The following C2CD2L variants were observed in gnomAD, a reference collection of about 807,000 sequenced individuals.
C2CD2L encodes C2CD2 like.
Under a neutral mutation model 69.9 loss-of-function variants are expected in C2CD2L, and 24 were observed. The ratio of observed to expected loss-of-function variants is 0.34; its 90% confidence interval spans 0.25 to 0.48. C2CD2L has a LOEUF of 0.48. C2CD2L is among the 20% of genes least tolerant of loss of function. The pLI, the probability that C2CD2L is intolerant of heterozygous loss-of-function variation, is 0.99. For synonymous variants in C2CD2L, 367 were observed against 391.0 expected (o/e 0.94, Z 0.72); for missense variants, 811 against 941.5 (o/e 0.86, Z 1.81).
upstream of C2CD2L, chr11:119,106,812 A>G (rs1385195589): frequency 6.6e-6 from 1 of 152,242 alleles, no homozygotes; most frequent in Non-Finnish European, 1.5e-5. Flanking sequence ...CTCCAAGAGG[A>G]AGGAGGGTGA....
chr11:119,105,258 C>T (rs1946559841), upstream of C2CD2L, among the ~76,000 whole-genome samples: 1 of 152,074 alleles, frequency 6.6e-6, no homozygotes, highest in African/African-American at 2.4e-5. Flanking sequence ...AGGCAGCTTC[C>T]TGATGCATGG....
upstream of C2CD2L, among the ~76,000 whole-genome samples, chr11:119,103,274 C>T (rs149247119): frequency 6.6e-6 from 1 of 152,296 alleles, no homozygotes; most frequent in Non-Finnish European, 1.5e-5. Context: ...GAGGAAGTCA[C>T]CACCAGTGAG....
At chr11:119,105,219 G>C (rs2134927804), upstream of C2CD2L, among the ~76,000 whole-genome samples, 1 of 152,302 alleles carries the variant, frequency 6.6e-6, no homozygotes, top group Non-Finnish European at 1.5e-5. Flanking sequence ...TGAGGGAAAA[G>C]AGATGACTAA....
intron 1 of C2CD2L, among the ~76,000 whole-genome samples, chr11:119,108,858 G>T (rs567083524): frequency 7.2e-5 from 11 of 152,310 alleles, no homozygotes; most frequent in Non-Finnish European, 1.3e-4. Context: ...TGCTCTCACA[G>T]TCCATCAGCT....
At chr11:119,115,736 G>T in intron 13 of C2CD2L, 1 of 464,038 alleles carries the variant, frequency 2.2e-6, no homozygotes. Context: ...CTCACAAAGC[G>T]GCCAGCTCCG....
Position 119,111,279 on chromosome 11 carries a change from C to T in C2CD2L, c.815C>T (p.Pro272Leu). The T allele has an allele frequency of 6.2e-7, 1 of 1,614,168 alleles. No individual in the cohort carries two copies. Among genetic ancestry groups the T allele is most frequent in the Non-Finnish European group, 8.5e-7 (1 of 1,180,010 alleles). Reference sequence around the variant, plus strand: ...TGCTCTTAGGTACCCAGTGAGAAGCCACCCATGATGCCCCAGGCTCAGCCA... The same window carrying T: ...TGCTCTTAGGTACCCAGTGAGAAGCTACCCATGATGCCCCAGGCTCAGCCA... ...APGGLVPSEK[P>L]PMMPQAQPAI... The change falls in exon 6 of 14, where the codon CCA becomes CTA. Residue 272 changes from proline to leucine, a missense_variant. By Grantham distance (98) the Pro-to-Leu change is moderately conservative. Coordinates refer to ENST00000648610, the MANE Select transcript of C2CD2L (RefSeq NM_001290474.2).
Position 119,114,270 on chromosome 11 carries a change from G to A in C2CD2L, c.1814G>A (p.Arg605His), listed in dbSNP as rs376731505. ...GTCCAGGAAGCAGACGAGACAACCCGTTCGGATATTTCTGAGAGGCCATCT... is the reference window on the plus strand; with the variant it reads ...GTCCAGGAAGCAGACGAGACAACCCATTCGGATATTTCTGAGAGGCCATCT... The part of the protein sequence containing the change: ...TSVQEADETT[R>H]SDISERPSVD... Residue 605 changes from arginine to histidine, a missense_variant, in exon 13 of 14, where the codon CGT (arginine) becomes CAT (histidine). Arg to His is a conservative substitution (Grantham distance 29). Coordinates refer to ENST00000648610, the MANE Select transcript of C2CD2L (RefSeq NM_001290474.2). The surrounding 1 kb of genome is among the most constrained non-coding windows in gnomAD (Gnocchi z 5.1). 5.1e-5 allele frequency: 82 copies of A among 1,614,126 alleles called. No homozygotes were observed. The highest frequency in any genetic ancestry group is 2.8e-4 in the African/African-American group (21 of 75,034).
Position 119,110,550 on chromosome 11 carries a change from G to T in C2CD2L, c.451-11G>T. On this transcript the variant is annotated splice_polypyrimidine_tract_variant and intron_variant, in intron 2 of 13. Coordinates refer to ENST00000648610, the MANE Select transcript of C2CD2L (RefSeq NM_001290474.2). The surrounding 1 kb of genome is among the most constrained non-coding windows in gnomAD (Gnocchi z 5.7). ...CCTTCCCCCACATCTGACCCACCTCGCCGGTCTCAGGTGCTGCGTTGCCAG... is the reference window on the plus strand; with the variant it reads ...CCTTCCCCCACATCTGACCCACCTCTCCGGTCTCAGGTGCTGCGTTGCCAG... The T allele has an allele frequency of 6.2e-7, 1 of 1,604,722 alleles. No individual in the cohort carries two copies.
Position 119,117,512 on chromosome 11 carries a change from T to TTCTCATCTG in C2CD2L, c.*1258_*1266dup, listed in dbSNP as rs1946924390. On this transcript the variant is annotated 3_prime_UTR_variant, in exon 14 of 14. Transcript: ENST00000648610. ...TATGTAACCTCTAAGTGCCTCAGTT[T>TTCTCATCTG]TCTCATCTGTAAAATGGGAACTTCA... 6.6e-6 allele frequency: 1 copy of TTCTCATCTG among 152,240 alleles called. No homozygotes were observed. The highest frequency in any genetic ancestry group is 2.4e-5 in the African/African-American group (1 of 41,456). The allele number at this position is 152,240 out of a possible 1,614,324, so 9.4% of individuals were successfully genotyped here.
chr11:119,113,061 T>C, intron 10 of C2CD2L, 187 bp downstream of exon 10: 1 of 609,016 alleles, frequency 1.6e-6, no homozygotes, highest in Non-Finnish European at 2.9e-6. Flanking sequence ...CTCCTGCCAT[T>C]TCCCCAGCAA....
intron 13 of C2CD2L, chr11:119,115,303 C>T (rs894408918): frequency 2.6e-5 from 4 of 151,766 alleles, no homozygotes; most frequent in Non-Finnish European, 4.4e-5. Context: ...TCTGCACCCT[C>T]TCCCCAATGA....
chr11:119,105,172 G>A (rs1946558206), upstream of C2CD2L, among the ~76,000 whole-genome samples: 2 of 152,216 alleles, frequency 1.3e-5, no homozygotes, highest in Non-Finnish European at 2.9e-5. Flanking sequence ...CCCCCAGGGA[G>A]TCTACTTCAG....
upstream of C2CD2L, among the ~76,000 whole-genome samples, chr11:119,105,684 A>G (rs1946571013): frequency 6.6e-6 from 1 of 151,142 alleles, no homozygotes; most frequent in Non-Finnish European, 1.5e-5. Context: ...CTAACTAGGG[A>G]GACTCATGTA....
Position 119,111,395 on chromosome 11 carries a change from C to T in C2CD2L, c.910+21C>T, listed in dbSNP as rs772157508. On this transcript the variant is annotated intron_variant, in intron 6 of 13. Transcript: ENST00000648610. ...GGAAGGTGAGAGCTGGAAGTGGCTG[C>T]GGGACTGCCAAGGCTATGGTTGGTT... 51 of 1,606,426 alleles carry T rather than the reference C, an allele frequency of 3.2e-5. No individual in the cohort carries two copies. In the Admixed American group the frequency reaches 5.7e-4, roughly 18 times the overall value.
At position 119,117,579 on chromosome 11, in the gene C2CD2L, A is replaced by C. The variant is rs1304660721; in HGVS notation, c.*1323A>C. 1 of 152,210 alleles carries C rather than the reference A, an allele frequency of 6.6e-6. No individual in the cohort carries two copies. The highest frequency in any genetic ancestry group is 1.5e-5 in the Non-Finnish European group (1 of 68,046). The allele number at this position is 152,210 out of a possible 1,614,324, so 9.4% of individuals were successfully genotyped here. ...TTTGGTTGTGGATGAGAAGTAAATGAAGTGCTGAGTGTTAACTGTTGCCTC... is the reference window on the plus strand; with the variant it reads ...TTTGGTTGTGGATGAGAAGTAAATGCAGTGCTGAGTGTTAACTGTTGCCTC... On this transcript the variant is annotated 3_prime_UTR_variant, in exon 14 of 14. Transcript: ENST00000648610.
At chr11:119,102,720 G>A (rs1010656741), upstream of C2CD2L, among the ~76,000 whole-genome samples, 1 of 152,012 alleles carries the variant, frequency 6.6e-6, no homozygotes, top group Non-Finnish European at 1.5e-5. Context: ...AGAGGAATCA[G>A]ACCCACAACT....
chr11:119,112,538 C>G lies in C2CD2L; in HGVS notation c.1141C>G (p.Arg381Gly). ...PVGSPSRPLS[R>G]RQLCPLTPGP... ...GGGCTCCCCCTCCAGACCACTGTCT[C>G]GAAGACAGTTGTGCCCACTCACCCC... The change falls in exon 9 of 14, where the codon CGA becomes GGA. Residue 381 changes from arginine (R) to glycine (G), a missense_variant. Transcript: ENST00000648610. 1 of 1,613,562 alleles carries G rather than the reference C, an allele frequency of 6.2e-7. No homozygotes were observed. The highest frequency in any genetic ancestry group is 1.7e-5 in the Admixed American group (1 of 59,970).
chr11:119,116,185 C>T lies in C2CD2L; in HGVS notation c.2050C>T (p.Arg684Cys), dbSNP rs1946886900. ...CCGAAAGAAGGCCGGCAGCTTTTCT[C>T]GCCGCCTTATCAAGCGCTTTTCCTT... ...SVRKKAGSFS[R>C]RLIKRFSFKS... The change falls in exon 14 of 14, where the codon CGC (arginine) becomes TGC (cysteine). Residue 684 changes from arginine to cysteine, a missense_variant. Physicochemically the swap from Arg to Cys is radical, Grantham distance 180. Transcript: ENST00000648610. The T allele has an allele frequency of 3.1e-6, 5 of 1,614,136 alleles. No homozygotes were observed. The highest frequency in any genetic ancestry group is 1.7e-5 in the Admixed American group (1 of 60,006).
Position 119,113,997 on chromosome 11 carries a change from G to T in C2CD2L, c.1623+9G>T. 1.2e-6 allele frequency: 2 copies of T among 1,613,856 alleles called. No individual in the cohort carries two copies. The highest frequency in any genetic ancestry group is 1.7e-6 in the Non-Finnish European group (2 of 1,179,770). On this transcript the variant is annotated intron_variant, in intron 12 of 13. Coordinates refer to ENST00000648610, the MANE Select transcript of C2CD2L (RefSeq NM_001290474.2). ...TCTCTGGTGTTTCCAAGGTAACAGG[G>T]CTCTGGGGAGAGGAGCTGGGATGGG...
Sources: gnomAD v4.1 joint callset for allele counts (sites outside exome capture counted in the v4.1 genomes callset) on GRCh38, gnomAD v4.1.1 for gene constraint, Gnocchi (gnomAD v3.1) non-coding constraint, MANE v1.5 for transcripts, NCBI Gene and HGNC (gene_info 2026-07-23, HGNC 2026-07-21) for gene names.